The following TPD52 variants were observed in gnomAD, a reference collection of about 807,000 sequenced individuals.
TPD52 encodes the protein prostate and colon associated protein.
Under a neutral mutation model 31.3 loss-of-function variants are expected in TPD52, and 17 were observed. The observed-to-expected ratio is 0.54, with a 90% CI of 0.37 to 0.82. The LOEUF (loss-of-function observed/expected upper bound fraction) is 0.82, where lower values mean the gene tolerates loss of function less well. TPD52 is among the 40% of genes least tolerant of loss of function. TPD52 has a pLI of 0.00. For missense variants in TPD52, 212 were observed against 240.1 expected (o/e 0.88, Z 0.77); for synonymous variants, 83 against 89.6 (o/e 0.93, Z 0.42).
intron 1 of TPD52, chr8:80,171,011 G>A: frequency 2.3e-6 from 1 of 432,174 alleles, no homozygotes; most frequent in Non-Finnish European, 4.3e-6. Flanking sequence ...GGGAGAGAGG[G>A]GTTTCCCACC....
At chr8:80,161,732 ATTTTT>A (rs869141433) in intron 1 of TPD52, among the ~76,000 whole-genome samples, 8 of 72,522 alleles carry the variant, frequency 1.1e-4, no homozygotes, top group African/African-American at 2.8e-4. Context: ...ATATATATAT[ATTTTT>A]TTTTTTTTCT....
At chr8:80,080,498 A>G (rs1815153077) in intron 1 of TPD52, 1 of 1,607,440 alleles carries the variant, frequency 6.2e-7, no homozygotes, top group Non-Finnish European at 8.5e-7. Flanking sequence ...GCCTGATATC[A>G]GCCTTCAGTT....
rs538151134 is a variant in TPD52, at chr8:80,104,645, T to C, written c.20-40052A>G. Among the ~76,000 whole-genome samples, 20 of 143,584 alleles carry C rather than the reference T, an allele frequency of 1.4e-4. No homozygotes were observed. In the East Asian group the frequency reaches 3.9e-3, roughly 28 times the overall value. 94.2% of individuals were successfully genotyped at this position (143,584 alleles called of 152,430 possible). A position where few individuals can be genotyped will look rare whatever the true frequency, so the allele number is the denominator to read the frequency against. On this transcript the variant is annotated intron_variant, in intron 1 of 7. Transcript: ENST00000518937. ...ATGTAGAGGTTTCTAACCTCTCGTCTACTCTGAGTCTGCTGATTTTTTTTT... is the reference window on the plus strand; with the variant it reads ...ATGTAGAGGTTTCTAACCTCTCGTCCACTCTGAGTCTGCTGATTTTTTTTT...
rs187796625 is a variant in TPD52, at chr8:80,036,657, A to C, written c.*1459T>G. The C allele has an allele frequency of 7.4e-4, 113 of 152,772 alleles. No individual in the cohort carries two copies. Among genetic ancestry groups the C allele is most frequent in the African/African-American group, 2.6e-3 (109 of 41,592 alleles). 9.5% of individuals were successfully genotyped at this position (152,772 alleles called of 1,614,324 possible). A position where few individuals can be genotyped will look rare whatever the true frequency, so the allele number is the denominator to read the frequency against. On this transcript the variant is annotated 3_prime_UTR_variant, in exon 8 of 8. Coordinates refer to ENST00000518937, the MANE Select transcript of TPD52 (RefSeq NM_001025253.3). The stretch of plus-strand genomic sequence containing the variant: ...ACATAGTTTTAATTGCATCCAAAGT[A>C]CTAACAAAAACTCTAGCAATCAAGA...
intron 1 of TPD52, among the ~76,000 whole-genome samples, chr8:80,128,130 A>G (rs1356656518): frequency 6.6e-6 from 1 of 152,166 alleles, no homozygotes; most frequent in Non-Finnish European, 1.5e-5. Flanking sequence ...TAAACAAAAG[A>G]AACAATTATC....
chr8:80,103,626 G>A (rs924463345), intron 1 of TPD52, among the ~76,000 whole-genome samples: 2 of 152,202 alleles, frequency 1.3e-5, no homozygotes, highest in Non-Finnish European at 2.9e-5. Context: ...AGAGCCCCTT[G>A]TGCTTACTCC....
At chr8:80,094,482 A>ATATATG (rs1816575463) in intron 1 of TPD52, among the ~76,000 whole-genome samples, 14 of 104,986 alleles carry the variant, frequency 1.3e-4, no homozygotes, top group South Asian at 2.9e-4. Flanking sequence ...ATATATATAT[A>ATATATG]TATGTATGTA....
At chr8:80,143,544 A>G (rs1307330537) in intron 1 of TPD52, among the ~76,000 whole-genome samples, 1 of 152,198 alleles carries the variant, frequency 6.6e-6, no homozygotes, top group Non-Finnish European at 1.5e-5. Context: ...TTAATAGCTT[A>G]CTGTAGCTAA....
chr8:80,124,168 T>C (rs78965753), intron 1 of TPD52, among the ~76,000 whole-genome samples: 1 of 83,734 alleles, frequency 1.2e-5, no homozygotes, highest in African/African-American at 9.8e-5. Context: ...CTCTCTCTCT[T>C]TTTGTTTTTT....
chr8:80,032,476 G>A (rs966124146), downstream of TPD52, among the ~76,000 whole-genome samples: 3 of 152,144 alleles, frequency 2.0e-5, no homozygotes, highest in Middle Eastern at 6.3e-3. Context: ...AGCTGAGGAG[G>A]GAACATCGCT....
intron 1 of TPD52, among the ~76,000 whole-genome samples, chr8:80,115,987 G>A (rs1433416738): frequency 6.6e-6 from 1 of 152,058 alleles, no homozygotes; most frequent in Non-Finnish European, 1.5e-5. Context: ...AGACAAAGAA[G>A]TAAAGGATAT....
At chr8:80,042,582 C>A (rs773490764) in intron 7 of TPD52, 38 bp downstream of exon 7, 2 of 1,579,244 alleles carry the variant, frequency 1.3e-6, no homozygotes, top group South Asian at 1.2e-5. Context: ...AGACACCAGG[C>A]AATGTATCAA....
chr8:80,140,727 T>TGATGTACGTAAAAGGGTTAGCTGCA (rs1809770556), intron 1 of TPD52, among the ~76,000 whole-genome samples: 1 of 152,208 alleles, frequency 6.6e-6, no homozygotes, highest in Non-Finnish European at 1.5e-5. Context: ...CTAAACAATA[T>TGATGTACGTAAAAGGGTTAGCTGCA]GATGTACGTA....
Position 80,038,194 on chromosome 8 carries a change from T to C in TPD52, c.546A>G (p.Gly182=), listed in dbSNP as rs1810045641. 6.2e-7 allele frequency: 1 copy of C among 1,614,042 alleles called. No homozygotes were observed. Among genetic ancestry groups the C allele is most frequent in the South Asian group, 1.1e-5 (1 of 91,072 alleles). The change falls in exon 8 of 8, where the codon GGA becomes GGG. Residue 182 remains glycine (G), a synonymous_variant. Transcript: ENST00000518937. ...GGTKPAGGDF[G]EVLNSAANAS... is the part of the protein sequence containing the mutation. ...CATTTGCAGCCGAATTCAAGACTTCTCCAAAATCACCACCAGCAGGCTTGG... is the reference window on the plus strand; with the variant it reads ...CATTTGCAGCCGAATTCAAGACTTCCCCAAAATCACCACCAGCAGGCTTGG...
intron 1 of TPD52, among the ~76,000 whole-genome samples, chr8:80,162,459 G>A (rs1811423145): frequency 6.6e-6 from 1 of 151,952 alleles, no homozygotes; most frequent in Non-Finnish European, 1.5e-5. Context: ...ACCTCTCTAG[G>A]AAACAGACAA....
chr8:80,084,806 C>T (rs902438559), intron 1 of TPD52, among the ~76,000 whole-genome samples: 2 of 152,190 alleles, frequency 1.3e-5, no homozygotes, highest in African/African-American at 4.8e-5. Context: ...AGAGTTTCCC[C>T]TTTTCCTGTA....
chr8:80,080,130 A>G (rs571478994), intron 1 of TPD52, among the ~76,000 whole-genome samples: 1 of 152,330 alleles, frequency 6.6e-6, no homozygotes, highest in South Asian at 2.1e-4. Flanking sequence ...CTAAGTATAC[A>G]CATATTCTAA....
At chr8:80,109,154 G>C (rs1044762017) in intron 1 of TPD52, among the ~76,000 whole-genome samples, 20 of 152,066 alleles carry the variant, frequency 1.3e-4, no homozygotes, top group African/African-American at 4.8e-4. Context: ...ATATTTGGGG[G>C]ACCTTACGAG....
intron 1 of TPD52, among the ~76,000 whole-genome samples, chr8:80,081,537 G>A (rs182013570): frequency 1.3e-5 from 2 of 152,106 alleles, no homozygotes; most frequent in Non-Finnish European, 2.9e-5. Flanking sequence ...AAAAAAAAAG[G>A]CAGTGTTCTA....
Sources: allele counts gnomAD v4.1 joint callset (sites outside exome capture counted in the v4.1 genomes callset), GRCh38; gene constraint gnomAD v4.1.1; transcripts MANE v1.5; gene names NCBI Gene and HGNC (gene_info 2026-07-23, HGNC 2026-07-21).